Variants in KRT31 observed in about 807,000 individuals in gnomAD.
The protein encoded by KRT31 is keratin, type I cuticular Ha1.
Under a neutral mutation model 40.8 loss-of-function variants are expected in KRT31, and 27 were observed. The ratio of observed to expected loss-of-function variants is 0.66; its 90% CI spans 0.49 to 0.91. The LOEUF (loss-of-function observed/expected upper bound fraction) is 0.91. KRT31 is among the 40% of genes least tolerant of loss of function. The probability of loss-of-function intolerance (pLI) is 0.00; values close to 1 mark genes in which losing one functional copy is unlikely to be tolerated. For missense variants in KRT31, 510 were observed against 544.1 expected (o/e 0.94, Z 0.62); for synonymous variants, 231 against 231.9 (o/e 1.00, Z 0.03).
rs138577724 is a variant in KRT31 at position 41,395,589 on chromosome 17, C to T, written c.623G>A (p.Arg208His). ...AGCAGCATCCACCTCCACATTGAGG[C>T]GGTCTCCAAGCTGGCAGCGCAGGGT... The part of the protein sequence containing the change: ...VNTLRCQLGD[R>H]LNVEVDAAPT... Residue 208 changes from arginine (R) to histidine (H), a missense_variant, in exon 4 of 7, where the codon CGC becomes CAC. By Grantham distance (29) the Arg-to-His change is conservative (BLOSUM62 0). Coordinates refer to ENST00000251645, the MANE Select transcript of KRT31 (RefSeq NM_002277.3). The T allele has an allele frequency of 1.2e-5, 20 of 1,614,060 alleles. No homozygotes were observed. Among genetic ancestry groups the T allele is most frequent in the East Asian group, 6.7e-5 (3 of 44,900 alleles).
At position 41,395,006 on chromosome 17, in the gene KRT31, C is replaced by A; in HGVS notation, c.939G>T (p.Gln313His). 6.2e-7 allele frequency: 1 copy of A among 1,614,268 alleles called. No individual in the cohort carries two copies. The highest frequency in any genetic ancestry group is 8.5e-7 in the Non-Finnish European group (1 of 1,180,056). The change falls in exon 6 of 7, where the codon CAG (glutamine) becomes CAT (histidine). Residue 313 changes from glutamine to histidine, a missense_variant. Physicochemically the swap from Gln to His is conservative, Grantham distance 24. Transcript: ENST00000251645. ...CCACGTTGGTGATCAGGCTCTGCAC[C>A]TGGGACAGCTGGGAGCTGTAGCGGG... is the stretch of plus-strand genomic sequence containing the variant. ...SEARYSSQLS[Q>H]VQSLITNVES... is the part of the protein sequence containing the mutation.
rs1412953630 is a variant in KRT31, at chr17:41,395,571, T to A, written c.641A>T (p.Asp214Val). The change falls in exon 4 of 7, where the codon GAT (aspartate) becomes GTT (valine). Residue 214 changes from aspartate (D) to valine (V), a missense_variant. By Grantham distance (152) the Asp-to-Val change is radical (BLOSUM62 -3). Transcript: ENST00000251645. Reference sequence around the variant, plus strand: ...ATTCAGGTCCACAGTGGGAGCAGCATCCACCTCCACATTGAGGCGGTCTCC... The same window carrying A: ...ATTCAGGTCCACAGTGGGAGCAGCAACCACCTCCACATTGAGGCGGTCTCC... ...QLGDRLNVEV[D>V]AAPTVDLNRV... 6.2e-7 allele frequency: 1 copy of A among 1,614,086 alleles called. No homozygotes were observed. The highest frequency in any genetic ancestry group is 8.5e-7 in the Non-Finnish European group (1 of 1,180,042).
At chr17:41,394,233 A>C in intron 6 of KRT31, 64 bp from the exon 7 acceptor site, 1 of 1,577,568 alleles carries the variant, frequency 6.3e-7, no homozygotes, top group Non-Finnish European at 8.7e-7. Flanking sequence ...TATGCCAGAG[A>C]TATCCCCAAG....
At position 41,394,123 on chromosome 17, in the gene KRT31, T is replaced by A. The variant is rs763874360; in HGVS notation, c.1144A>T (p.Ile382Phe). The stretch of plus-strand genomic sequence containing the variant: ...CAGGGATTGGAGAGACAGGGTCCGA[T>A]GGGCTTGCTGCACGCGTTGGTCGTG... ...CATTNACSKP[I>F]GPCLSNPCTS... The change falls in exon 7 of 7, where the codon ATC becomes TTC. Residue 382 changes from isoleucine to phenylalanine, a missense_variant. Coordinates refer to ENST00000251645, the MANE Select transcript of KRT31 (RefSeq NM_002277.3). 3.1e-6 allele frequency: 5 copies of A among 1,612,504 alleles called. 1 individual carries two copies. The South Asian group carries it at 4.4e-5, about 14-fold the overall frequency.
Position 41,395,449 on chromosome 17 carries a change from C to T in KRT31, c.750+13G>A, listed in dbSNP as rs779260922. 3 of 1,613,938 alleles carry T rather than the reference C, an allele frequency of 1.9e-6. No homozygotes were observed. Among genetic ancestry groups the T allele is most frequent in the African/African-American group, 2.7e-5 (2 of 74,936 alleles). ...GCCTTGGGTCCTGAGGGGCCACGTG[C>T]TTAGATGCCCACCTGCGTGGTGAAC... On this transcript the variant is annotated intron_variant, in intron 4 of 6. Coordinates refer to ENST00000251645, the MANE Select transcript of KRT31 (RefSeq NM_002277.3).
At chr17:41,394,244 G>C in intron 6 of KRT31, 75 bp from the exon 7 acceptor site, 4 of 1,526,738 alleles carry the variant, frequency 2.6e-6, no homozygotes, top group Non-Finnish European at 3.6e-6. Flanking sequence ...TATCCCCAAG[G>C]GTAAGAATGC....
At chr17:41,395,424 G>C (rs186735912) in intron 4 of KRT31, 38 bp downstream of exon 4, 5 of 1,613,966 alleles carry the variant, frequency 3.1e-6, no homozygotes, top group Non-Finnish European at 4.2e-6. Flanking sequence ...GCCCTGGGGG[G>C]CCTTGGGTCC....
In KRT31 at chr17:41,397,329, G is replaced by T. The variant is rs756751400; in HGVS notation, c.211C>A (p.Leu71Met). The T allele has an allele frequency of 6.2e-7, 1 of 1,613,968 alleles. No individual in the cohort carries two copies. Among genetic ancestry groups the T allele is most frequent in the African/African-American group, 1.3e-5 (1 of 74,948 alleles). ...QFLNDRLASY[L>M]EKVRQLERDN... ...CGCTCCAGCTGACGCACTTTCTCCA[G>T]GTAGCTGGCCAGGCGGTCGTTCAGG... The change falls in exon 1 of 7, where the codon CTG (leucine) becomes ATG (methionine). Residue 71 changes from leucine (L) to methionine (M), a missense_variant. Physicochemically the swap from Leu to Met is conservative, Grantham distance 15. Transcript: ENST00000251645.
intron 5 of KRT31, 53 bp downstream of exon 5, chr17:41,395,192 G>A: frequency 6.2e-7 from 1 of 1,611,938 alleles, no homozygotes; most frequent in Non-Finnish European, 8.5e-7. Flanking sequence ...ACATCCCCGG[G>A]ACTCTGCCTC....
chr17:41,394,944 C>T lies in KRT31; in HGVS notation c.1001G>A (p.Arg334Gln), dbSNP rs181766476. ...QLAEIRSDLE[R>Q]QNQEYQVLLD... ...CAGCACCTGGTACTCCTGGTTCTGC[C>T]GCTCCAGGTCACTGCGGATCTCCGC... The change falls in exon 6 of 7, where the codon CGG becomes CAG. Residue 334 changes from arginine to glutamine, a missense_variant. Transcript: ENST00000251645. 17 of 1,614,252 alleles carry T rather than the reference C, an allele frequency of 1.1e-5. No individual in the cohort carries two copies. In the Admixed American group the frequency reaches 1.3e-4, roughly 13 times the overall value.
Position 41,395,010 on chromosome 17 carries a change from G to C in KRT31, c.935C>G (p.Ser312Cys), listed in dbSNP as rs1296336942. The C allele has an allele frequency of 3.1e-6, 5 of 1,614,236 alleles. No homozygotes were observed. Among genetic ancestry groups the C allele is most frequent in the Non-Finnish European group, 4.2e-6 (5 of 1,180,050 alleles). The change falls in exon 6 of 7, where the codon TCC (serine) becomes TGC (cysteine). Residue 312 changes from serine (S) to cysteine (C), a missense_variant. Ser to Cys is a moderately radical substitution (Grantham distance 112, BLOSUM62 -1). Coordinates refer to ENST00000251645, the MANE Select transcript of KRT31 (RefSeq NM_002277.3). Reference sequence around the variant, plus strand: ...GTTGGTGATCAGGCTCTGCACCTGGGACAGCTGGGAGCTGTAGCGGGCCTC... The same window carrying C: ...GTTGGTGATCAGGCTCTGCACCTGGCACAGCTGGGAGCTGTAGCGGGCCTC... ...ESEARYSSQL[S>C]QVQSLITNVE...
rs376838934 is a variant in KRT31, at chr17:41,397,186, G to A, written c.348+6C>T. On this transcript the variant is annotated splice_donor_region_variant and intron_variant, in intron 1 of 6. Transcript: ENST00000251645. ...CTTGCTTGGAGATGACAGCAATGCC[G>A]CTCACCTTCTGCTGGAGCTCCTCAA... 1.6e-5 allele frequency: 25 copies of A among 1,612,580 alleles called. No homozygotes were observed. The highest frequency in any genetic ancestry group is 2.2e-5 in the East Asian group (1 of 44,882).
chr17:41,394,068 G>A lies in KRT31; in HGVS notation c.1199C>T (p.Thr400Ile). 1 of 1,613,680 alleles carries A rather than the reference G, an allele frequency of 6.2e-7. No homozygotes were observed. The highest frequency in any genetic ancestry group is 2.2e-5 in the East Asian group (1 of 44,848). ...CTSCVPPAPC[T>I]PCAPRPRCGP... ...ACAGCGGGGGCGTGGGGCACAGGGTGTGCAGGGGGCAGGAGGGACACAAGA... is the reference window on the plus strand; with the variant it reads ...ACAGCGGGGGCGTGGGGCACAGGGTATGCAGGGGGCAGGAGGGACACAAGA... Residue 400 changes from threonine to isoleucine, a missense_variant, in exon 7 of 7, where the codon ACA becomes ATA. Transcript: ENST00000251645.
Position 41,396,469 on chromosome 17 carries a change from A to G in KRT31, c.539T>C (p.Val180Ala), listed in dbSNP as rs2018228054. The G allele has an allele frequency of 6.2e-7, 1 of 1,614,002 alleles. No individual in the cohort carries two copies. The highest frequency in any genetic ancestry group is 8.5e-7 in the Non-Finnish European group (1 of 1,180,016). ...GAGCAGCTCCTCCTTCAGGGACTCC[A>G]CCTGGGCCTCCAGGTCGGACTTGCA... ...TLCKSDLEAQ[V>A]ESLKEELLCL... Residue 180 changes from valine (V) to alanine (A), a missense_variant, in exon 3 of 7, where the codon GTG becomes GCG. Val to Ala is a moderately conservative substitution (Grantham distance 64, BLOSUM62 0). Transcript: ENST00000251645.
In KRT31 at chr17:41,395,266, C is replaced by T; in HGVS notation, c.855G>A (p.Glu285=). 6.2e-7 allele frequency: 1 copy of T among 1,612,718 alleles called. No homozygotes were observed. The highest frequency in any genetic ancestry group is 8.5e-7 in the Non-Finnish European group (1 of 1,180,046). ...ACACCAGGTTGTGCTGGGCCTGCAG[C>T]TCGATCTCCAGGGCGTTGACTGTGC... The part of the protein sequence containing the change: ...LRRTVNALEI[E]LQAQHNLRDS... The change falls in exon 5 of 7, where the codon GAG becomes GAA. Residue 285 remains glutamate, a synonymous_variant. Coordinates refer to ENST00000251645, the MANE Select transcript of KRT31 (RefSeq NM_002277.3).
chr17:41,395,590 G>A lies in KRT31; in HGVS notation c.622C>T (p.Arg208Cys), dbSNP rs201682356. 29 of 1,614,176 alleles carry A rather than the reference G, an allele frequency of 1.8e-5. No individual in the cohort carries two copies. Among genetic ancestry groups the A allele is most frequent in the Middle Eastern group, 3.3e-4 (2 of 6,062 alleles). ...GCAGCATCCACCTCCACATTGAGGC[G>A]GTCTCCAAGCTGGCAGCGCAGGGTA... ...VNTLRCQLGD[R>C]LNVEVDAAPT... The change falls in exon 4 of 7, where the codon CGC becomes TGC. Residue 208 changes from arginine (R) to cysteine (C), a missense_variant. Transcript: ENST00000251645.
At chr17:41,394,202 T>C in intron 6 of KRT31, 33 bp from the exon 7 acceptor site, 2 of 1,606,556 alleles carry the variant, frequency 1.2e-6, no homozygotes, top group Non-Finnish European at 1.7e-6. Flanking sequence ...GAAAAGTGAG[T>C]TAAGGGCAAT....
Position 41,395,302 on chromosome 17 carries a change from G to A in KRT31, c.819C>T (p.Ile273=), listed in dbSNP as rs1429842284. ...EQLQSYQAEI[I]ELRRTVNALE... ...GGGCGTTGACTGTGCGTCTCAGCTC[G>A]ATGATCTCCGCCTGGTAGGACTGCA... is the stretch of plus-strand genomic sequence containing the variant. The change falls in exon 5 of 7, where the codon ATC becomes ATT. Residue 273 remains isoleucine, a synonymous_variant. Transcript: ENST00000251645. 3.7e-6 allele frequency: 6 copies of A among 1,613,320 alleles called. No individual in the cohort carries two copies. The highest frequency in any genetic ancestry group is 1.1e-5 in the South Asian group (1 of 91,054).
In KRT31 at chr17:41,393,923, G is replaced by A. The variant is rs1340715703; in HGVS notation, c.*93C>T. On this transcript the variant is annotated 3_prime_UTR_variant, in exon 7 of 7. Transcript: ENST00000251645. Reference sequence around the variant, plus strand: ...CGCGGGCAACTCCAGCCATGCAAATGATGTTTTCAGGCCCCTTTTGTTGAA... The same window carrying A: ...CGCGGGCAACTCCAGCCATGCAAATAATGTTTTCAGGCCCCTTTTGTTGAA... The A allele has an allele frequency of 7.1e-7, 1 of 1,408,114 alleles. No homozygotes were observed. The highest frequency in any genetic ancestry group is 9.6e-7 in the Non-Finnish European group (1 of 1,044,826). 87.2% of individuals were successfully genotyped at this position (1,408,114 alleles called of 1,614,324 possible). A position where few individuals can be genotyped will look rare whatever the true frequency, so the allele number is the denominator to read the frequency against.
Sources: gnomAD v4.1 joint callset for allele counts on GRCh38, gnomAD v4.1.1 for gene constraint, MANE v1.5 for transcripts, NCBI Gene and HGNC (gene_info 2026-07-23, HGNC 2026-07-21) for gene names.